PAPSS2: variants seen among roughly 807,000 people sequenced by gnomAD.
PAPSS2 encodes bifunctional 3'-phosphoadenosine 5'-phosphosulfate synthase 2.
In PAPSS2, 61 loss-of-function variants were observed where a neutral mutation model predicts 66.5. The observed-to-expected ratio is 0.92, with a 90% CI of 0.75 to 1.14. The LOEUF (loss-of-function observed/expected upper bound fraction) is 1.14, where lower values mean the gene tolerates loss of function less well. Among genes scored for constraint, PAPSS2 ranks in the 50% most tolerant of loss-of-function variants. The probability of loss-of-function intolerance (pLI) is 0.00; values close to 1 mark genes in which losing one functional copy is unlikely to be tolerated. For synonymous variants in PAPSS2, 289 were observed against 287.5 expected, an observed-to-expected ratio of 1.01 and a Z score of -0.05; for missense variants, 708 against 789.6, an observed-to-expected ratio of 0.90 and a Z score of 1.24.
At chr10:87,743,021 G>A (rs1048117267) in intron 10 of PAPSS2, among the ~76,000 whole-genome samples, 11 of 152,286 alleles carry the variant, frequency 7.2e-5, no homozygotes, top group Non-Finnish European at 1.5e-4. Context: ...TGAGGCAGGC[G>A]GATCACTTGA....
intron 9 of PAPSS2, among the ~76,000 whole-genome samples, chr10:87,733,975 G>A (rs1214200936): frequency 2.6e-5 from 4 of 152,054 alleles, no homozygotes; most frequent in Non-Finnish European, 5.9e-5. Flanking sequence ...CCTGCCAAAT[G>A]TAGCTTTCAG....
At chr10:87,698,781 G>A (rs556799414) in intron 1 of PAPSS2, among the ~76,000 whole-genome samples, 3 of 152,310 alleles carry the variant, frequency 2.0e-5, no homozygotes, top group African/African-American at 7.2e-5. Context: ...AGCTACTGGG[G>A]AAGCTGAGGC....
In PAPSS2 at chr10:87,709,308, T is replaced by C. The variant is rs1853436660; in HGVS notation, c.140T>C (p.Leu47Pro). Residue 47 changes from leucine to proline, a missense_variant, in exon 2 of 13, where the codon CTA becomes CCA. Coordinates refer to ENST00000456849, the MANE Select transcript of PAPSS2 (RefSeq NM_001015880.2). ...RGGFRGCTVW[L>P]TGLSGAGKTT... Reference sequence around the variant, plus strand: ...GGGTTCCGAGGATGTACCGTGTGGCTAACAGGTATGTCATGTTCATATATA... The same window carrying C: ...GGGTTCCGAGGATGTACCGTGTGGCCAACAGGTATGTCATGTTCATATATA... 1.3e-6 allele frequency: 2 copies of C among 1,560,150 alleles called. No homozygotes were observed. The highest frequency in any genetic ancestry group is 1.8e-6 in the Non-Finnish European group (2 of 1,136,544).
chr10:87,713,214 C>A lies in PAPSS2; in HGVS notation c.285C>A (p.Asp95Glu). The A allele has an allele frequency of 6.2e-7, 1 of 1,602,896 alleles. No homozygotes were observed. The highest frequency in any genetic ancestry group is 8.5e-7 in the Non-Finnish European group (1 of 1,176,404). ...GAAATCTCGGATTCTCTCCTGGGGA[C>A]AGAGAGGAAAATATCCGCCGGATTG... ...LNRNLGFSPG[D>E]REENIRRIAE... The change falls in exon 3 of 13, where the codon GAC (aspartate) becomes GAA (glutamate). Residue 95 changes from aspartate to glutamate, a missense_variant. By Grantham distance (45) the Asp-to-Glu change is conservative. Transcript: ENST00000456849.
intron 7 of PAPSS2, among the ~76,000 whole-genome samples, chr10:87,720,835 T>C (rs1853590922): frequency 6.6e-6 from 1 of 152,244 alleles, no homozygotes; most frequent in South Asian, 2.1e-4. Flanking sequence ...CTCAAGAATC[T>C]ACTTTTATAT....
intron 1 of PAPSS2, chr10:87,660,862 A>G (rs766328550): frequency 1.7e-4 from 50 of 302,244 alleles, no homozygotes; most frequent in Middle Eastern, 1.4e-3. Flanking sequence ...AGACTCTTAG[A>G]GTTGGATGGC....
chr10:87,733,737 A>G (rs573168042), intron 9 of PAPSS2, among the ~76,000 whole-genome samples: 1 of 152,292 alleles, frequency 6.6e-6, no homozygotes, highest in East Asian at 1.9e-4. Context: ...GTGAAGGTTG[A>G]GAACTATTGA....
chr10:87,679,290 T>G (rs117310658), intron 1 of PAPSS2, among the ~76,000 whole-genome samples: 4,679 of 151,940 alleles, frequency 0.031, 123 homozygotes, highest in Non-Finnish European at 0.051. Flanking sequence ...TTGGTTAGGG[T>G]GGGGAGATGA....
intron 1 of PAPSS2, among the ~76,000 whole-genome samples, chr10:87,681,348 A>G (rs1444860582): frequency 6.6e-6 from 1 of 152,214 alleles, no homozygotes; most frequent in Non-Finnish European, 1.5e-5. Flanking sequence ...AAGACTATCA[A>G]ACAGGAGGAG....
chr10:87,709,391 A>G (rs961495190), intron 2 of PAPSS2, 78 bp downstream of exon 2: 11 of 865,986 alleles, frequency 1.3e-5, no homozygotes, highest in Admixed American at 7.0e-5. Context: ...AAATTAGTGT[A>G]ACGTATTACA....
intron 1 of PAPSS2, among the ~76,000 whole-genome samples, chr10:87,689,829 G>T (rs1284711175): frequency 6.6e-6 from 1 of 152,118 alleles, no homozygotes; most frequent in Non-Finnish European, 1.5e-5. Flanking sequence ...AACAGTCGTA[G>T]ACATAATAAA....
rs961807979 is a variant in PAPSS2, at chr10:87,675,978, T to C, written c.27+15970T>C. Among the ~76,000 whole-genome samples, 43 of 150,062 alleles carry C rather than the reference T, an allele frequency of 2.9e-4. 1 individual carries two copies. Among genetic ancestry groups the C allele is most frequent in the East Asian group, 5.8e-4 (3 of 5,152 alleles). Reference sequence around the variant, plus strand: ...TTTTCCCTTTCCACATTTCTTTTTTTTTTTTTTTTTTTTTTAATGTAAAGC... The same window carrying C: ...TTTTCCCTTTCCACATTTCTTTTTTCTTTTTTTTTTTTTTTAATGTAAAGC... On this transcript the variant is annotated intron_variant, in intron 1 of 12. Transcript: ENST00000456849.
chr10:87,675,724 G>A (rs1285584555), intron 1 of PAPSS2, among the ~76,000 whole-genome samples: 7 of 152,112 alleles, frequency 4.6e-5, no homozygotes, highest in Non-Finnish European at 8.8e-5. Flanking sequence ...TCTCCACCCT[G>A]CTAAGCTTCA....
chr10:87,659,928 C>T lies in PAPSS2; in HGVS notation c.-54C>T. 6.2e-7 allele frequency: 1 copy of T among 1,600,262 alleles called. No individual in the cohort carries two copies. The highest frequency in any genetic ancestry group is 1.1e-5 in the South Asian group (1 of 90,172). ...GCTGCCGCCGCCGCCGCCGCCGTCCCTGCGTCCTTCGGTCTCTGCTCCCGG... is the reference window on the plus strand; with the variant it reads ...GCTGCCGCCGCCGCCGCCGCCGTCCTTGCGTCCTTCGGTCTCTGCTCCCGG... On this transcript the variant is annotated 5_prime_UTR_variant, in exon 1 of 13. Coordinates refer to ENST00000456849, the MANE Select transcript of PAPSS2 (RefSeq NM_001015880.2).
chr10:87,677,683 T>C (rs1258989117), intron 1 of PAPSS2, among the ~76,000 whole-genome samples: 1 of 152,192 alleles, frequency 6.6e-6, no homozygotes, highest in Non-Finnish European at 1.5e-5. Context: ...GGCAGTATGA[T>C]TTCAAAATGT....
At chr10:87,714,682 T>TA in intron 4 of PAPSS2, 63 bp from the exon 5 acceptor site, 1 of 987,870 alleles carries the variant, frequency 1.0e-6, no homozygotes, top group Non-Finnish European at 1.6e-6. Flanking sequence ...TGTTTTGCCT[T>TA]ATTGATTAAA....
chr10:87,676,072 C>T (rs1337095633), intron 1 of PAPSS2, among the ~76,000 whole-genome samples: 1 of 97,786 alleles, frequency 1.0e-5, no homozygotes, highest in African/African-American at 3.3e-5. Flanking sequence ...TTAAATATTC[C>T]ATGAGGAATG....
At chr10:87,743,200 C>T (rs563649141) in intron 10 of PAPSS2, among the ~76,000 whole-genome samples, 173 bp from the exon 11 acceptor site, 5 of 149,452 alleles carry the variant, frequency 3.3e-5, no homozygotes, top group African/African-American at 7.4e-5. Flanking sequence ...GACCTGAGAT[C>T]GCTGACTGCA....
Position 87,714,073 on chromosome 10 carries a change from A to G in PAPSS2, c.411A>G (p.Glu137=). The stretch of plus-strand genomic sequence containing the variant: ...GTGAGAATGCCCGCAAAATACATGA[A>G]TCAGCAGGGCTGCCATTCTTTGAAA... The part of the protein sequence containing the change: ...KDRENARKIH[E]SAGLPFFEIF... The change falls in exon 4 of 13, where the codon GAA becomes GAG. Residue 137 remains glutamate (E), a synonymous_variant. Transcript: ENST00000456849. 1 of 1,614,042 alleles carries G rather than the reference A, an allele frequency of 6.2e-7. No homozygotes were observed. The highest frequency in any genetic ancestry group is 8.5e-7 in the Non-Finnish European group (1 of 1,179,912).
Sources: allele counts gnomAD v4.1 joint callset (sites outside exome capture counted in the v4.1 genomes callset), GRCh38; gene constraint gnomAD v4.1.1; transcripts MANE v1.5; gene names NCBI Gene and HGNC (gene_info 2026-07-23, HGNC 2026-07-21).